The following LILRA6 variants were observed in gnomAD, a reference collection of about 807,000 sequenced individuals.
LILRA6 encodes the protein leukocyte immunoglobulin like receptor A6, also known as leukocyte immunoglobulin-like receptor subfamily A member 6.
In LILRA6, 16 loss-of-function variants were observed where a neutral mutation model predicts 53.9. The ratio of observed to expected loss-of-function variants is 0.30; its 90% CI spans 0.20 to 0.45. The LOEUF (loss-of-function observed/expected upper bound fraction) is 0.45. Among genes scored for constraint, LILRA6 ranks in the 20% least tolerant of loss-of-function variants. The pLI is 1.00. For missense variants in LILRA6, 306 were observed against 618.6 expected (o/e 0.49, Z 5.36); for synonymous variants, 135 against 256.4 (o/e 0.53, Z 4.52).
exon 6 of LILRA6, chr19:54,240,476 G>C: frequency 2.6e-6 from 4 of 1,565,320 alleles, no homozygotes; most frequent in Non-Finnish European, 3.5e-6. Flanking sequence ...GAAGGAAAGT[G>C]TCAAACTGCC....
exon 8 of LILRA6, chr19:54,238,711 G>A: frequency 1.7e-6 from 1 of 582,212 alleles, no homozygotes; most frequent in Non-Finnish European, 2.7e-6. Flanking sequence ...TTAAGACAGA[G>A]AAGCACTTCA....
downstream of LILRA6, chr19:54,237,413 C>T (rs947384932): frequency 4.6e-5 from 7 of 150,804 alleles, 1 homozygote; most frequent in Non-Finnish European, 1.0e-4. Flanking sequence ...TCCTGGGAAC[C>T]TTTATTGGAT....
At position 54,242,470 on chromosome 19, in the gene LILRA6, T is replaced by G; in HGVS notation, c.70+49A>C. The G allele has an allele frequency of 7.4e-6, 8 of 1,077,614 alleles. 3 individuals are homozygous for G. The South Asian group carries it at 1.6e-4, about 21-fold the overall frequency. The allele number at this position is 1,077,614 out of a possible 1,614,324, so 66.8% of individuals were successfully genotyped here. Reference sequence around the variant, plus strand: ...TCCCCCAGCTGCCCATGTGTGGCCCTTGTCCCTAGTAAGGATGAGGGACCT... The same window carrying G: ...TCCCCCAGCTGCCCATGTGTGGCCCGTGTCCCTAGTAAGGATGAGGGACCT... On this transcript the variant is annotated intron_variant, in intron 2 of 7. Transcript: ENST00000396365.
intron 6 of LILRA6, 87 bp from the exon 7 acceptor site, chr19:54,240,038 G>A: frequency 6.7e-7 from 1 of 1,485,752 alleles, no homozygotes; most frequent in South Asian, 1.4e-5. Flanking sequence ...TCCGCCCAGT[G>A]GATTCCCTGG....
intron 4 of LILRA6, chr19:54,241,347 G>A: frequency 9.1e-7 from 1 of 1,097,568 alleles, no homozygotes; most frequent in Non-Finnish European, 1.2e-6. Flanking sequence ...TGAGAGCTGG[G>A]ACCTCACAGC....
rs891308735 is a variant in LILRA6 at position 54,242,628 on chromosome 19, C to G, written c.35-74G>C. The stretch of plus-strand genomic sequence containing the variant: ...CCTCCCCGCCCTGGTGCCTCCTGAG[C>G]TTTTGAGGTCTCCTGATGGACCAGG... On this transcript the variant is annotated intron_variant, in intron 1 of 7. Coordinates refer to ENST00000396365, the Ensembl canonical transcript of LILRA6. The G allele has an allele frequency of 1.8e-5, 19 of 1,083,742 alleles. 1 individual carries two copies. The highest frequency in any genetic ancestry group is 3.1e-4 in the Middle Eastern group (1 of 3,194). The allele number at this position is 1,083,742 out of a possible 1,614,324, so 67.1% of individuals were successfully genotyped here.
At chr19:54,240,436 G>C in exon 6 of LILRA6, 1 of 1,604,688 alleles carries the variant, frequency 6.2e-7, no homozygotes, top group Non-Finnish European at 8.5e-7. Context: ...CTCAGACGCA[G>C]TGGGGGATGG....
At chr19:54,239,304 T>C (rs1417123049) in intron 7 of LILRA6, 3 of 1,403,342 alleles carry the variant, frequency 2.1e-6, no homozygotes, top group African/African-American at 3.0e-5. Context: ...AGCCAGCCTC[T>C]CCCCTGGGCT....
At chr19:54,240,810 T>C (rs2078738792) in intron 5 of LILRA6, 21 bp downstream of exon 5, 1 of 1,612,686 alleles carries the variant, frequency 6.2e-7, no homozygotes, top group Admixed American at 1.7e-5. Context: ...GGTCCCTGAC[T>C]GAACCCGCTG....
At chr19:54,241,865 T>C in exon 4 of LILRA6, 1 of 1,294,668 alleles carries the variant, frequency 7.7e-7, no homozygotes, top group Non-Finnish European at 1.1e-6. Context: ...AGAGGGTGGG[T>C]TTGCTATAGG....
chr19:54,241,979 T>G (rs2078776844), intron 3 of LILRA6, 47 bp downstream of exon 3: 1 of 1,316,758 alleles, frequency 7.6e-7, no homozygotes, highest in African/African-American at 1.6e-5. Context: ...GCCGACCCCC[T>G]TCCTGAGGGC....
At chr19:54,238,975 G>T (rs1306742464) in exon 8 of LILRA6, 1 of 1,611,292 alleles carries the variant, frequency 6.2e-7, no homozygotes, top group Non-Finnish European at 8.5e-7. Flanking sequence ...TGCATCTTGG[G>T]GGTTTCTCTG....
rs2078674126 is a variant in LILRA6, at chr19:54,238,944, C to T, written c.*9G>A. On this transcript the variant is annotated 3_prime_UTR_variant, in exon 8 of 8. Transcript: ENST00000396365. Reference sequence around the variant, plus strand: ...ACCACGCTGAAGGGTGCATTGTCCTCTCCGCTGTTCACCTCCCGGCTGCAT... The same window carrying T: ...ACCACGCTGAAGGGTGCATTGTCCTTTCCGCTGTTCACCTCCCGGCTGCAT... The T allele has an allele frequency of 1.9e-6, 3 of 1,610,248 alleles. No individual in the cohort carries two copies. In the Admixed American group the frequency reaches 5.0e-5, roughly 27 times the overall value.
rs980429148 is a variant in LILRA6, at chr19:54,239,201, C to A, written c.1310-112G>T. On this transcript the variant is annotated intron_variant, in intron 7 of 7. Coordinates refer to ENST00000396365, the Ensembl canonical transcript of LILRA6. ...CATCCGCCATTGACAGAACCTGACC[C>A]TCTGTGCCCGCCCCATAACTGTCTG... 110 of 1,574,806 alleles carry A rather than the reference C, an allele frequency of 7.0e-5. 3 individuals carry two copies. Among genetic ancestry groups the A allele is most frequent in the Non-Finnish European group, 8.8e-5 (102 of 1,161,686 alleles).
chr19:54,238,017 C>CT (rs11458700), downstream of LILRA6: 49,821 of 141,788 alleles, frequency 0.35, 5,027 homozygotes, highest in African/African-American at 0.48. Flanking sequence ...TGTGTCTCTT[C>CT]TTTTTTTTTT....
chr19:54,241,870 T>A, exon 4 of LILRA6: 1 of 1,294,582 alleles, frequency 7.7e-7, no homozygotes. Context: ...GTGGGTTTGC[T>A]ATAGGCTCCT....
chr19:54,239,106 A>G lies in LILRA6; in HGVS notation c.1310-17T>C. 6.2e-7 allele frequency: 1 copy of G among 1,610,870 alleles called. No homozygotes were observed. Among genetic ancestry groups the G allele is most frequent in the Non-Finnish European group, 8.5e-7 (1 of 1,179,336 alleles). On this transcript the variant is annotated splice_polypyrimidine_tract_variant and intron_variant, in intron 7 of 7. Coordinates refer to ENST00000396365, the Ensembl canonical transcript of LILRA6. The stretch of plus-strand genomic sequence containing the variant: ...CGTGTGAGGCTGGGGATGGTGGGCA[A>G]AGAGGTCACAGAGGTCCGGGCAGAT...
At chr19:54,240,295 G>T (rs767009944) in exon 6 of LILRA6, 4 of 1,603,484 alleles carry the variant, frequency 2.5e-6, no homozygotes, top group Non-Finnish European at 3.4e-6. Context: ...AGTTCCAGGG[G>T]CTCACTGGGG....
At chr19:54,238,454 A>G (rs7257035), downstream of LILRA6, 1 of 155,310 alleles carries the variant, frequency 6.4e-6, no homozygotes, top group African/African-American at 2.5e-5. Flanking sequence ...CTGACATTTG[A>G]TATTGTCATT....
Sources: gnomAD v4.1 joint callset for allele counts on GRCh38, gnomAD v4.1.1 for gene constraint, MANE v1.5 for transcripts, NCBI Gene and HGNC (gene_info 2026-07-23, HGNC 2026-07-21) for gene names.